Variants in MANBA observed in about 807,000 individuals in gnomAD.
MANBA encodes mannosidase beta, also known as beta-mannosidase.
MANBA carries 83 observed loss-of-function variants against 111.1 expected under a neutral mutation model. The ratio of observed to expected loss-of-function variants is 0.75; its 90% CI spans 0.63 to 0.90. MANBA has a LOEUF of 0.90. MANBA is among the 40% of genes least tolerant of loss of function. MANBA has a pLI of 0.00. For missense variants in MANBA, 1,036 were observed against 1,069.0 expected, an observed-to-expected ratio of 0.97 and a Z score of 0.43; for synonymous variants, 370 against 378.7, an observed-to-expected ratio of 0.98 and a Z score of 0.27.
At chr4:102,666,549 A>C (rs751029530) in intron 10 of MANBA, 2 of 152,350 alleles carry the variant, frequency 1.3e-5, no homozygotes, top group African/African-American at 2.4e-5. Flanking sequence ...AAAGGAGAAC[A>C]AAGGAGGTGG....
Position 102,713,983 on chromosome 4 carries a change from GT to G in MANBA, c.673+454del, listed in dbSNP as rs1379987671. Reference sequence around the variant, plus strand: ...TTTATTTTTAACTCTTCACAAGGCTGTTGTGTCAGGGCCCTTGTGTCAGGGC... The same window carrying G: ...TTTATTTTTAACTCTTCACAAGGCTGTGTGTCAGGGCCCTTGTGTCAGGGC... On this transcript the variant is annotated intron_variant, in intron 5 of 16. Coordinates refer to ENST00000647097, the MANE Select transcript of MANBA (RefSeq NM_005908.4). 2.6e-5 allele frequency among the ~76,000 whole-genome samples: 4 copies of G among 151,858 alleles called. No homozygotes were observed. In the East Asian group the frequency reaches 7.7e-4, roughly 29 times the overall value.
chr4:102,653,667 A>G (rs1218393660), intron 12 of MANBA, among the ~76,000 whole-genome samples: 1 of 152,230 alleles, frequency 6.6e-6, no homozygotes, highest in Non-Finnish European at 1.5e-5. Context: ...CATAATGAGC[A>G]GCACTTATCC....
intron 13 of MANBA, among the ~76,000 whole-genome samples, chr4:102,649,127 T>C (rs905485655): frequency 6.6e-6 from 1 of 152,178 alleles, no homozygotes; most frequent in Non-Finnish European, 1.5e-5. Flanking sequence ...TGTATGAATA[T>C]ACTACAATTT....
chr4:102,752,655 A>T (rs1047020533), intron 1 of MANBA: 32 of 557,138 alleles, frequency 5.7e-5, no homozygotes, highest in Middle Eastern at 5.6e-4. Flanking sequence ...TGAATGATAA[A>T]TTGATCATAG....
At chr4:102,644,240 T>C (rs756766121) in intron 13 of MANBA, among the ~76,000 whole-genome samples, 2 of 152,144 alleles carry the variant, frequency 1.3e-5, no homozygotes, top group Non-Finnish European at 2.9e-5. Flanking sequence ...CTTCCCAAAC[T>C]ATTAAAAATA....
Position 102,631,719 on chromosome 4 carries a change from A to T in MANBA, c.*338T>A. ...CTCAAAACCTTCCATTTGGTTCCAT[A>T]GATCCTGCCATGTCACATTCTTGTA... is the stretch of plus-strand genomic sequence containing the variant. On this transcript the variant is annotated 3_prime_UTR_variant, in exon 17 of 17. Coordinates refer to ENST00000647097, the MANE Select transcript of MANBA (RefSeq NM_005908.4). The T allele has an allele frequency of 1.8e-6, 1 of 544,752 alleles. No individual in the cohort carries two copies. The allele number at this position is 544,752 out of a possible 1,614,324, so 33.7% of individuals were successfully genotyped here.
In MANBA at chr4:102,729,824, G is replaced by A. The variant is rs146658442; in HGVS notation, c.178-3141C>T. On this transcript the variant is annotated intron_variant, in intron 1 of 16. Coordinates refer to ENST00000647097, the MANE Select transcript of MANBA (RefSeq NM_005908.4). ...GGCTCCACTTAGTCTCCAGCATCTT[G>A]TTCTACTGCTCCAGGAACCATACCT... The A allele has an allele frequency of 4.7e-4, 596 of 1,277,526 alleles. 1 individual carries two copies. The African/African-American group carries it at 7.9e-3, about 17-fold the overall frequency. 79.1% of individuals were successfully genotyped at this position (1,277,526 alleles called of 1,614,324 possible). A position where few individuals can be genotyped will look rare whatever the true frequency, so the allele number is the denominator to read the frequency against.
intron 1 of MANBA, among the ~76,000 whole-genome samples, chr4:102,748,325 G>A (rs1167250680): frequency 6.6e-6 from 1 of 152,052 alleles, no homozygotes; most frequent in East Asian, 1.9e-4. Context: ...ACAGTTCTTG[G>A]TACATAGTGT....
intron 9 of MANBA, 36 bp downstream of exon 9, chr4:102,671,244 TA>T (rs1219967814): frequency 7.9e-7 from 1 of 1,270,134 alleles, no homozygotes; most frequent in Admixed American, 1.7e-5. Flanking sequence ...GAGGATATAG[TA>T]ACTTATCAAT....
intron 1 of MANBA, chr4:102,752,090 C>T: frequency 3.9e-6 from 3 of 760,844 alleles, no homozygotes; most frequent in East Asian, 4.9e-5. Flanking sequence ...GAGGAATCCA[C>T]AAATCGACAG....
At chr4:102,730,500 C>T (rs1722992942) in intron 1 of MANBA, 1 of 528,930 alleles carries the variant, frequency 1.9e-6, no homozygotes, top group African/African-American at 1.9e-5. Flanking sequence ...TCGTCCCTAA[C>T]AGTAACAACA....
chr4:102,755,465 T>A (rs1723973934), intron 1 of MANBA, among the ~76,000 whole-genome samples: 1 of 152,178 alleles, frequency 6.6e-6, no homozygotes. Context: ...TATACAAAAA[T>A]TAATTCAAGA....
In MANBA at chr4:102,760,868, G is replaced by A; in HGVS notation, c.27C>T (p.Leu9=). 1.3e-6 allele frequency: 2 copies of A among 1,570,598 alleles called. No individual in the cohort carries two copies. The highest frequency in any genetic ancestry group is 1.7e-6 in the Non-Finnish European group (2 of 1,159,956). The change falls in exon 1 of 17, where the codon CTC becomes CTT. Residue 9 remains leucine (L), a synonymous_variant. Transcript: ENST00000647097. MRLHLLLL[L]ALCGAGTTAA... is the part of the protein sequence containing the mutation. ...CGGTGGTGCCTGCACCGCACAGCGCGAGCAGCAGGAGCAGGTGGAGGCGCA... is the reference window on the plus strand; with the variant it reads ...CGGTGGTGCCTGCACCGCACAGCGCAAGCAGCAGGAGCAGGTGGAGGCGCA...
At chr4:102,691,724 T>G (rs1030753922) in intron 5 of MANBA, among the ~76,000 whole-genome samples, 1 of 151,998 alleles carries the variant, frequency 6.6e-6, no homozygotes, top group Non-Finnish European at 1.5e-5. Flanking sequence ...TCCAGGTTAG[T>G]CTTGAACTCC....
chr4:102,751,482 T>C lies in MANBA; in HGVS notation c.177+9236A>G. 2 of 528,642 alleles carry C rather than the reference T, an allele frequency of 3.8e-6. 1 individual carries two copies. The highest frequency in any genetic ancestry group is 7.7e-6 in the Non-Finnish European group (2 of 259,034). The allele number at this position is 528,642 out of a possible 1,614,324, so 32.7% of individuals were successfully genotyped here. On this transcript the variant is annotated intron_variant, in intron 1 of 16. Coordinates refer to ENST00000647097, the MANE Select transcript of MANBA (RefSeq NM_005908.4). ...TGTTTCCTTCTCAATCCCTGCCGCC[T>C]CTGAATTTGCTGACCTTAGTAACAT... is the stretch of plus-strand genomic sequence containing the variant.
intron 5 of MANBA, among the ~76,000 whole-genome samples, chr4:102,696,457 T>C (rs911678309): frequency 7.9e-5 from 12 of 152,172 alleles, no homozygotes; most frequent in Admixed American, 2.0e-4. Flanking sequence ...GCATTATAAA[T>C]TATATCCCAA....
intron 5 of MANBA, among the ~76,000 whole-genome samples, chr4:102,694,715 T>C (rs942577788): frequency 6.6e-6 from 1 of 152,090 alleles, no homozygotes; most frequent in Admixed American, 6.6e-5. Context: ...CACCACCAAG[T>C]TCTGCATCCT....
intron 11 of MANBA, among the ~76,000 whole-genome samples, chr4:102,664,387 C>T (rs1229728553): frequency 1.3e-5 from 2 of 149,478 alleles, no homozygotes; most frequent in Admixed American, 6.6e-5. Flanking sequence ...CTCGCCCTGT[C>T]GCCCAGGCTG....
chr4:102,728,789 T>C (rs1722910695), intron 1 of MANBA: 1 of 944,728 alleles, frequency 1.1e-6, no homozygotes, highest in Non-Finnish European at 1.6e-6. Flanking sequence ...CAGCCTCCCA[T>C]CATGGGTCTC....
Sources: allele counts gnomAD v4.1 joint callset (sites outside exome capture counted in the v4.1 genomes callset), GRCh38; gene constraint gnomAD v4.1.1; transcripts MANE v1.5; gene names NCBI Gene and HGNC (gene_info 2026-07-23, HGNC 2026-07-21).